The following GPBP1 variants were observed in gnomAD, a reference collection of about 807,000 sequenced individuals.
The protein encoded by GPBP1 is GC-rich promoter binding protein 1, also known as vasculin.
A neutral mutation model predicts 56.5 loss-of-function variants in GPBP1; 13 were observed. The observed-to-expected ratio is 0.23, with a 90% confidence interval of 0.15 to 0.37. The LOEUF (loss-of-function observed/expected upper bound fraction) is 0.37. Among genes scored for constraint, GPBP1 ranks in the 10% least tolerant of loss-of-function variants. GPBP1 has a pLI of 1.00. For missense variants in GPBP1, 477 were observed against 572.3 expected, an observed-to-expected ratio of 0.83 and a Z score of 1.70; for synonymous variants, 204 against 188.9, an observed-to-expected ratio of 1.08 and a Z score of -0.66.
At position 57,256,572 on chromosome 5, in the gene GPBP1, A is replaced by G. The variant is rs1256067894; in HGVS notation, c.1161-4608A>G. ...ATACGAATACCATTATCTAGTGTGGACATGAAGATGAAGGGGGCAAACAAT... is the reference window on the plus strand; with the variant it reads ...ATACGAATACCATTATCTAGTGTGGGCATGAAGATGAAGGGGGCAAACAAT... On this transcript the variant is annotated intron_variant, in intron 10 of 11. Coordinates refer to ENST00000506184, the MANE Select transcript of GPBP1 (RefSeq NM_022913.4). Among the ~76,000 whole-genome samples the G allele has an allele frequency of 2.6e-5, 4 of 152,224 alleles. No homozygotes were observed. In the East Asian group the frequency reaches 7.7e-4, roughly 29 times the overall value.
intron 10 of GPBP1, among the ~76,000 whole-genome samples, chr5:57,258,553 C>T (rs754837336): frequency 2.0e-5 from 3 of 152,202 alleles, no homozygotes; most frequent in Non-Finnish European, 4.4e-5. Context: ...TGGGATTATG[C>T]ATCATATGTG....
rs559925735 is a variant in GPBP1, at chr5:57,257,544, G to T, written c.1161-3636G>T. Among the ~76,000 whole-genome samples, 3 of 152,282 alleles carry T rather than the reference G, an allele frequency of 2.0e-5. No individual in the cohort carries two copies. The South Asian group carries it at 6.2e-4, about 32-fold the overall frequency. ...AGTAAATGCTAAAGAAATTCAGAGGGTTTGGGGATAGAGATCATTATGACT... is the reference window on the plus strand; with the variant it reads ...AGTAAATGCTAAAGAAATTCAGAGGTTTTGGGGATAGAGATCATTATGACT... On this transcript the variant is annotated intron_variant, in intron 10 of 11. Coordinates refer to ENST00000506184, the MANE Select transcript of GPBP1 (RefSeq NM_022913.4).
intron 10 of GPBP1, among the ~76,000 whole-genome samples, chr5:57,255,004 T>C (rs563858491): frequency 2.6e-5 from 4 of 152,022 alleles, no homozygotes; most frequent in African/African-American, 7.2e-5. Flanking sequence ...ACAGAAAAAA[T>C]TTAGCAAACA....
At chr5:57,238,284 C>T (rs1740632217) in intron 6 of GPBP1, among the ~76,000 whole-genome samples, 9 of 152,038 alleles carry the variant, frequency 5.9e-5, no homozygotes, top group Admixed American at 5.2e-4. Context: ...TAATTAGTGG[C>T]GACCAGGCAT....
At chr5:57,195,626 G>C (rs954058884) in intron 2 of GPBP1, among the ~76,000 whole-genome samples, 1 of 152,086 alleles carries the variant, frequency 6.6e-6, no homozygotes. Flanking sequence ...TGTATTTGAA[G>C]CCATTAGGAG....
chr5:57,210,525 C>T (rs73127767), intron 2 of GPBP1, among the ~76,000 whole-genome samples: 1 of 152,084 alleles, frequency 6.6e-6, no homozygotes, highest in Non-Finnish European at 1.5e-5. Flanking sequence ...GTTAGTAGGA[C>T]TGTTGATTTG....
intron 1 of GPBP1, 142 bp from the exon 2 acceptor site, chr5:57,175,306 G>C: frequency 2.6e-6 from 1 of 381,322 alleles, no homozygotes; most frequent in Non-Finnish European, 4.6e-6. Context: ...GTGCTTGCTT[G>C]GGTAAAGAAG....
At chr5:57,239,609 G>A (rs1371279553) in intron 6 of GPBP1, among the ~76,000 whole-genome samples, 8 of 151,834 alleles carry the variant, frequency 5.3e-5, no homozygotes, top group Admixed American at 6.6e-5. Flanking sequence ...GGTGAAACCC[G>A]TTTCTACTAA....
chr5:57,242,106 A>G (rs192881661), intron 6 of GPBP1, among the ~76,000 whole-genome samples: 141 of 152,306 alleles, frequency 9.3e-4, no homozygotes, highest in Non-Finnish European at 1.2e-3. Flanking sequence ...GAGTTGTTAC[A>G]CAGGACATAG....
chr5:57,185,278 A>T (rs940158843), intron 2 of GPBP1, among the ~76,000 whole-genome samples: 5 of 134,960 alleles, frequency 3.7e-5, no homozygotes, highest in East Asian at 2.3e-4. Flanking sequence ...TTTTTTTTTT[A>T]AAGACAGAGT....
chr5:57,234,034 T>G (rs777805141), intron 5 of GPBP1, among the ~76,000 whole-genome samples: 10 of 152,208 alleles, frequency 6.6e-5, no homozygotes, highest in Non-Finnish European at 1.5e-4. Flanking sequence ...ATAGTATACT[T>G]TAAAGATGCT....
intron 3 of GPBP1, among the ~76,000 whole-genome samples, chr5:57,225,831 G>A (rs1756162515): frequency 6.6e-6 from 1 of 152,118 alleles, no homozygotes; most frequent in Non-Finnish European, 1.5e-5. Flanking sequence ...TGTGGACATG[G>A]GCAGTCAGCT....
chr5:57,180,086 A>G (rs534425605), intron 2 of GPBP1, among the ~76,000 whole-genome samples: 2 of 152,246 alleles, frequency 1.3e-5, no homozygotes, highest in South Asian at 4.1e-4. Context: ...AAAATAAGCA[A>G]GTGAGGATAG....
chr5:57,238,949 A>G (rs555279838), intron 6 of GPBP1, among the ~76,000 whole-genome samples: 1 of 152,346 alleles, frequency 6.6e-6, no homozygotes, highest in South Asian at 2.1e-4. Flanking sequence ...AATATTTGCC[A>G]CAAGCATACA....
chr5:57,255,981 G>A (rs945681479), intron 10 of GPBP1, among the ~76,000 whole-genome samples: 6 of 152,172 alleles, frequency 3.9e-5, no homozygotes, highest in Non-Finnish European at 8.8e-5. Flanking sequence ...ATCCGGCTGG[G>A]GACAATGACT....
Position 57,176,030 on chromosome 5 carries a change from C to T in GPBP1, c.-428C>T, listed in dbSNP as rs931190263. On this transcript the variant is annotated 5_prime_UTR_variant, in exon 2 of 12. Coordinates refer to ENST00000506184, the MANE Select transcript of GPBP1 (RefSeq NM_022913.4). ...GTAGTATTGAGATAGCTATGTGTGT[C>T]TCTGTATATGCTGATGTTTAGGAAT... 6 of 398,304 alleles carry T rather than the reference C, an allele frequency of 1.5e-5. No individual in the cohort carries two copies. Among genetic ancestry groups the T allele is most frequent in the Non-Finnish European group, 2.2e-5 (5 of 226,034 alleles). 24.7% of individuals were successfully genotyped at this position (398,304 alleles called of 1,614,324 possible). A position where few individuals can be genotyped will look rare whatever the true frequency, so the allele number is the denominator to read the frequency against.
At chr5:57,214,862 A>T (rs1401851610) in intron 3 of GPBP1, among the ~76,000 whole-genome samples, 1 of 152,126 alleles carries the variant, frequency 6.6e-6, no homozygotes, top group Non-Finnish European at 1.5e-5. Context: ...AGGTTTTGCC[A>T]TGTTGGCTAG....
In GPBP1 at chr5:57,176,312, T is replaced by G. The variant is rs890738362; in HGVS notation, c.-146T>G. 5 of 293,570 alleles carry G rather than the reference T, an allele frequency of 1.7e-5. No homozygotes were observed. Among genetic ancestry groups the G allele is most frequent in the Non-Finnish European group, 2.5e-5 (4 of 161,250 alleles). 18.2% of individuals were successfully genotyped at this position (293,570 alleles called of 1,614,324 possible). A position where few individuals can be genotyped will look rare whatever the true frequency, so the allele number is the denominator to read the frequency against. On this transcript the variant is annotated 5_prime_UTR_variant, in exon 2 of 12. In the 5' UTR this introduces an upstream ATG that the reference lacks. Transcript: ENST00000506184. ...TATCTTCAAAGAACTTCGATATTATTTCAGAGGATACAAAATAAAAATACA... is the reference window on the plus strand; with the variant it reads ...TATCTTCAAAGAACTTCGATATTATGTCAGAGGATACAAAATAAAAATACA...
intron 2 of GPBP1, among the ~76,000 whole-genome samples, chr5:57,190,127 A>T (rs1754453905): frequency 6.7e-6 from 1 of 148,764 alleles, no homozygotes. Context: ...TGCACAGTAA[A>T]AGAACTATTA....
Sources: gnomAD v4.1 joint callset for allele counts (sites outside exome capture counted in the v4.1 genomes callset) on GRCh38, gnomAD v4.1.1 for gene constraint, MANE v1.5 for transcripts, NCBI Gene and HGNC (gene_info 2026-07-23, HGNC 2026-07-21) for gene names.